Variants in DPP6 observed in about 807,000 individuals in gnomAD.
DPP6 encodes the protein A-type potassium channel modulatory protein DPP6.
In DPP6, 69 loss-of-function variants were observed where a neutral mutation model predicts 122.6. The observed-to-expected ratio is 0.56, with a 90% CI of 0.46 to 0.69. DPP6 has a LOEUF of 0.69. Among genes scored for constraint, DPP6 ranks in the 30% least tolerant of loss-of-function variants. The probability of loss-of-function intolerance (pLI) is 0.00; values close to 1 mark genes in which losing one functional copy is unlikely to be tolerated. For synonymous variants in DPP6, 418 were observed against 433.1 expected (o/e 0.97, Z 0.43); for missense variants, 928 against 1,116.9 (o/e 0.83, Z 2.41).
At chr7:154,369,954 G>A (rs1812502736) in intron 1 of DPP6, among the ~76,000 whole-genome samples, 1 of 142,104 alleles carries the variant, frequency 7.0e-6, no homozygotes, top group Non-Finnish European at 1.5e-5. Context: ...TCATGGGATA[G>A]CAGATATATG....
Position 154,618,931 on chromosome 7 carries a change from CT to C in DPP6, c.628-18889del, listed in dbSNP as rs1381645513. On this transcript the variant is annotated intron_variant, in intron 5 of 25. Transcript: ENST00000377770. The surrounding 1 kb of genome is among the most constrained non-coding windows in gnomAD (Gnocchi z 4.1). The stretch of plus-strand genomic sequence containing the variant: ...TATCCCTACATGTTGTAGGAGGGAC[CT>C]GGTAGGAGGTAACTGAATCATGGGG... Among the ~76,000 whole-genome samples, 1 of 152,066 alleles carries C rather than the reference CT, an allele frequency of 6.6e-6. No homozygotes were observed. Among genetic ancestry groups the C allele is most frequent in the Non-Finnish European group, 1.5e-5 (1 of 67,998 alleles).
chr7:154,540,844 T>C (rs1434272962), intron 4 of DPP6, among the ~76,000 whole-genome samples: 2 of 152,216 alleles, frequency 1.3e-5, no homozygotes, highest in Non-Finnish European at 2.9e-5. Context: ...GAAATTTCTC[T>C]GCAGGTGTTG....
rs367568810 is a variant in DPP6 at position 154,755,906 on chromosome 7, C to A, written c.884-13511C>A. Among the ~76,000 whole-genome samples, 1 of 152,126 alleles carries A rather than the reference C, an allele frequency of 6.6e-6. No homozygotes were observed. The highest frequency in any genetic ancestry group is 2.4e-5 in the African/African-American group (1 of 41,416). On this transcript the variant is annotated intron_variant, in intron 8 of 25. Coordinates refer to ENST00000377770, the MANE Select transcript of DPP6 (RefSeq NM_130797.4). The surrounding 1 kb of genome is among the most constrained non-coding windows in gnomAD (Gnocchi z 4.7). The stretch of plus-strand genomic sequence containing the variant: ...CTTCGTAATGATACTGTCCTCACCA[C>A]GTCTTTTTATTATGAAAAGGAAGAG...
At chr7:153,935,987 A>G (rs912186186) in intron 1 of DPP6, among the ~76,000 whole-genome samples, 3 of 152,248 alleles carry the variant, frequency 2.0e-5, no homozygotes, top group Middle Eastern at 3.2e-3. Context: ...GCAGTCTGAA[A>G]TGTTATTTAA....
intron 5 of DPP6, among the ~76,000 whole-genome samples, chr7:154,589,644 A>T (rs1349330215): frequency 6.6e-6 from 1 of 152,202 alleles, no homozygotes; most frequent in Non-Finnish European, 1.5e-5. Flanking sequence ...GTTTTCTTTA[A>T]TTGTAATCAA....
chr7:153,998,024 A>G (rs2533569), intron 1 of DPP6, among the ~76,000 whole-genome samples: 8,966 of 147,166 alleles, frequency 0.061, 336 homozygotes, highest in African/African-American at 0.11. Context: ...GGATGTCTCC[A>G]CGAAGGTGAC....
chr7:154,058,336 G>T (rs112673842), intron 1 of DPP6: 1 of 114,872 alleles, frequency 8.7e-6, no homozygotes, highest in South Asian at 3.2e-4. Flanking sequence ...GGCACCCCCC[G>T]CGAGGCAGGG....
At chr7:154,377,751 C>G (rs546087410) in intron 1 of DPP6, among the ~76,000 whole-genome samples, 1 of 152,168 alleles carries the variant, frequency 6.6e-6, no homozygotes, top group African/African-American at 2.4e-5. Context: ...TTAATAAAAT[C>G]TCTTCTCTTT....
chr7:154,621,513 C>T (rs1386411092), intron 5 of DPP6, among the ~76,000 whole-genome samples: 1 of 151,928 alleles, frequency 6.6e-6, no homozygotes, highest in Non-Finnish European at 1.5e-5. Flanking sequence ...GGATTACAGG[C>T]TCATGCCACC....
intron 1 of DPP6, among the ~76,000 whole-genome samples, chr7:154,389,961 T>C (rs1315797079): frequency 6.6e-6 from 1 of 152,254 alleles, no homozygotes; most frequent in Non-Finnish European, 1.5e-5. Flanking sequence ...GGGTTTGCAA[T>C]GTTCAATTCT....
intron 7 of DPP6, among the ~76,000 whole-genome samples, chr7:154,710,741 G>A (rs1470298146): frequency 6.6e-6 from 1 of 152,256 alleles, no homozygotes; most frequent in African/African-American, 2.4e-5. Flanking sequence ...AAGAATTCCT[G>A]TATCCTGGTG....
intron 1 of DPP6, among the ~76,000 whole-genome samples, chr7:154,200,425 G>A (rs1032525365): frequency 3.9e-5 from 6 of 152,124 alleles, no homozygotes; most frequent in African/African-American, 1.4e-4. Context: ...TCTATCGAAC[G>A]CTAGTGTGCA....
At chr7:154,704,766 G>T (rs187531529) in intron 7 of DPP6, among the ~76,000 whole-genome samples, 1 of 152,204 alleles carries the variant, frequency 6.6e-6, no homozygotes, top group Non-Finnish European at 1.5e-5. Flanking sequence ...CTACAGCAGA[G>T]TATAAACATA....
intron 8 of DPP6, among the ~76,000 whole-genome samples, chr7:154,737,721 C>T (rs1250317828): frequency 6.6e-6 from 1 of 152,172 alleles, no homozygotes; most frequent in African/African-American, 2.4e-5. Flanking sequence ...AGGCTTGGGT[C>T]CATACTCAAG....
chr7:154,256,050 A>G (rs1015597640), intron 1 of DPP6, among the ~76,000 whole-genome samples: 3 of 152,202 alleles, frequency 2.0e-5, no homozygotes, highest in African/African-American at 7.2e-5. Context: ...TTATTTTTGT[A>G]AGAATGAAGC....
chr7:154,431,014 G>A (rs369445922), intron 1 of DPP6, among the ~76,000 whole-genome samples: 2 of 152,140 alleles, frequency 1.3e-5, no homozygotes, highest in South Asian at 2.1e-4. Flanking sequence ...TGCTCACGGC[G>A]CTTACTTTGA....
In DPP6 at chr7:154,801,952, C is replaced by T. The variant is rs146782340; in HGVS notation, c.1407+490C>T. 2.9e-3 allele frequency among the ~76,000 whole-genome samples: 440 copies of T among 151,992 alleles called. 1 individual carries two copies. The highest frequency in any genetic ancestry group is 0.01 in the African/African-American group (416 of 41,452). The stretch of plus-strand genomic sequence containing the variant: ...ATCACTCACTGGTTCTGGGGTCTGG[C>T]GAGTTCGGAATGGAGCATCCCTGAG... On this transcript the variant is annotated intron_variant, in intron 13 of 25. Transcript: ENST00000377770.
intron 1 of DPP6, among the ~76,000 whole-genome samples, chr7:154,000,747 CG>C (rs1436317776): frequency 1.3e-5 from 2 of 152,030 alleles, no homozygotes; most frequent in Admixed American, 6.5e-5. Context: ...CTCTTCTTCG[CG>C]TATTCATCTG....
chr7:154,768,990 G>A (rs1305472950), intron 8 of DPP6, among the ~76,000 whole-genome samples: 2 of 152,118 alleles, frequency 1.3e-5, no homozygotes, highest in African/African-American at 4.8e-5. Context: ...TTTCTCATTT[G>A]GTTCCGTCTG....
Sources: gnomAD v4.1 joint callset for allele counts (sites outside exome capture counted in the v4.1 genomes callset) on GRCh38, gnomAD v4.1.1 for gene constraint, Gnocchi (gnomAD v3.1) non-coding constraint, MANE v1.5 for transcripts, NCBI Gene and HGNC (gene_info 2026-07-23, HGNC 2026-07-21) for gene names.